The following MGST1 variants were observed in gnomAD, a reference collection of about 807,000 sequenced individuals.
The protein encoded by MGST1 is microsomal glutathione S-transferase 1, also known as glutathione S-transferase 12.
A neutral mutation model predicts 8.9 loss-of-function variants in MGST1; 5 were observed. That is an observed-to-expected ratio of 0.56 (90% CI 0.29 to 1.19). The LOEUF (loss-of-function observed/expected upper bound fraction) is 1.19. Among genes scored for constraint, MGST1 ranks in the 50% most tolerant of loss-of-function variants. The pLI, the probability that MGST1 is intolerant of heterozygous loss-of-function variation, is 0.08. For missense variants in MGST1, 182 were observed against 187.4 expected (o/e 0.97, Z 0.17); for synonymous variants, 54 against 67.8 (o/e 0.80, Z 1.00).
At chr12:16,392,214 C>T (rs1940559350) in intron 1 of MGST1, among the ~76,000 whole-genome samples, 1 of 152,082 alleles carries the variant, frequency 6.6e-6, no homozygotes, top group South Asian at 2.1e-4. Flanking sequence ...TTTTACTTGT[C>T]AATCTTATCT....
At chr12:16,491,351 A>G (rs143853418) in intron 4 of MGST1, among the ~76,000 whole-genome samples, 10 of 152,318 alleles carry the variant, frequency 6.6e-5, no homozygotes, top group Admixed American at 1.3e-4. Flanking sequence ...CGTGATGATT[A>G]ATTGTTCTAT....
At chr12:16,399,449 C>T in intron 1 of MGST1, 1 of 1,547,138 alleles carries the variant, frequency 6.5e-7, no homozygotes, top group Admixed American at 1.7e-5. Context: ...GGGCTTCTTC[C>T]TCCAGTTCAT....
chr12:16,387,572 G>A (rs1183914511), intron 1 of MGST1, among the ~76,000 whole-genome samples: 1 of 151,446 alleles, frequency 6.6e-6, no homozygotes, highest in Non-Finnish European at 1.5e-5. Flanking sequence ...TGTTGCCCAG[G>A]CTGGAGTGCA....
intron 4 of MGST1, among the ~76,000 whole-genome samples, chr12:16,522,938 T>C (rs1441269080): frequency 6.6e-6 from 1 of 152,056 alleles, no homozygotes; most frequent in Non-Finnish European, 1.5e-5. Context: ...AGTGGCAATA[T>C]TGTATTAAAT....
intron 4 of MGST1, among the ~76,000 whole-genome samples, chr12:16,448,436 T>C (rs1941100072): frequency 6.6e-6 from 1 of 151,726 alleles, no homozygotes; most frequent in Non-Finnish European, 1.5e-5. Flanking sequence ...AAGGGCAGGC[T>C]TAAGACTTTG....
intron 4 of MGST1, among the ~76,000 whole-genome samples, chr12:16,448,136 A>G (rs893426743): frequency 6.6e-6 from 1 of 151,962 alleles, no homozygotes; most frequent in Non-Finnish European, 1.5e-5. Context: ...AGAAAAGAGC[A>G]ATATTGAAAG....
intron 4 of MGST1, among the ~76,000 whole-genome samples, chr12:16,572,339 C>CTTTTTTTTTTT (rs59773866): frequency 7.8e-5 from 7 of 89,530 alleles, no homozygotes; most frequent in East Asian, 3.5e-4. Context: ...GGTCCAAACT[C>CTTTTTTTTTTT]TTTTTTTTTT....
At position 16,582,342 on chromosome 12, in the gene MGST1, A is replaced by G. The variant is rs1257187699; in HGVS notation, n.483-7186A>G. 1.3e-5 allele frequency among the ~76,000 whole-genome samples: 2 copies of G among 152,200 alleles called. No individual in the cohort carries two copies. Among genetic ancestry groups the G allele is most frequent in the Non-Finnish European group, 2.9e-5 (2 of 68,036 alleles). ...AAAACATCTTACCTGTTCCTATAGT[A>G]TTATTCATTTTAGACAGTGACAGAC... On this transcript the variant is annotated intron_variant and non_coding_transcript_variant, in intron 4 of 4. Transcript: ENST00000538857. This position sits in a 1 kb window ranked among gnomAD's most constrained non-coding sequence, Gnocchi z 4.1.
At chr12:16,412,607 G>A (rs1430596186) in intron 1 of MGST1, among the ~76,000 whole-genome samples, 3 of 152,136 alleles carry the variant, frequency 2.0e-5, no homozygotes, top group Non-Finnish European at 4.4e-5. Context: ...GGACCCAGTG[G>A]GAGGTAATTA....
At position 16,354,282 on chromosome 12, in the gene MGST1, T is replaced by G; in HGVS notation, c.30T>G (p.Asp10Glu). Residue 10 changes from aspartate to glutamate, a missense_variant, in exon 2 of 4, where the codon GAT becomes GAG. Asp to Glu is a conservative substitution (Grantham distance 45, BLOSUM62 2). Coordinates refer to ENST00000396210, the MANE Select transcript of MGST1 (RefSeq NM_020300.5). ...TTGACCTCACCCAGGTAATGGATGA[T>G]GAAGTATTCATGGCTTTTGCATCCT... The part of the protein sequence containing the change: MVDLTQVMD[D>E]EVFMAFASYA... 1.2e-6 allele frequency: 2 copies of G among 1,606,812 alleles called. 1 individual carries two copies. Among genetic ancestry groups the G allele is most frequent in the South Asian group, 2.3e-5 (2 of 88,322 alleles).
downstream of MGST1, among the ~76,000 whole-genome samples, chr12:16,381,843 T>C (rs1940456321): frequency 6.6e-6 from 1 of 152,192 alleles, no homozygotes; most frequent in Non-Finnish European, 1.5e-5. Context: ...TTTCTTTTTA[T>C]TCTTTTTTCT....
chr12:16,359,973 T>C (rs1029297310), intron 3 of MGST1, among the ~76,000 whole-genome samples: 1 of 152,236 alleles, frequency 6.6e-6, no homozygotes, highest in African/African-American at 2.4e-5. Flanking sequence ...TTATCTAAAT[T>C]GATCCGCTAG....
chr12:16,427,811 T>A (rs1028021954), intron 1 of MGST1, among the ~76,000 whole-genome samples: 5 of 152,202 alleles, frequency 3.3e-5, no homozygotes, highest in African/African-American at 1.2e-4. Flanking sequence ...AAAAACTTAT[T>A]TTTTTAATGT....
At position 16,395,780 on chromosome 12, in the gene MGST1, C is replaced by CATATATATATATATATAT. The variant is rs369986291; in HGVS notation, n.778+12184_778+12201dup. Among the ~76,000 whole-genome samples the CATATATATATATATATAT allele has an allele frequency of 4.2e-3, 513 of 121,028 alleles. 1 individual carries two copies. Among genetic ancestry groups the CATATATATATATATATAT allele is most frequent in the East Asian group, 8.4e-3 (29 of 3,456 alleles). 79.4% of individuals were successfully genotyped at this position (121,028 alleles called of 152,430 possible). On this transcript the variant is annotated intron_variant and non_coding_transcript_variant, in intron 1 of 1. Transcript: ENST00000359720. ...CTTTAATGGCTGAGTAGTATTCCAT[C>CATATATATATATATATAT]ATATATATATATATATATATATATA...
downstream of MGST1, among the ~76,000 whole-genome samples, chr12:16,439,414 A>G (rs1941019146): frequency 6.6e-6 from 1 of 151,818 alleles, no homozygotes; most frequent in Non-Finnish European, 1.5e-5. Context: ...TTTATCTTGA[A>G]CTTCCAGTCA....
chr12:16,499,245 T>C (rs1941489546), intron 4 of MGST1, among the ~76,000 whole-genome samples: 1 of 152,230 alleles, frequency 6.6e-6, no homozygotes, highest in Non-Finnish European at 1.5e-5. Flanking sequence ...CATAAAATTA[T>C]TCACTTCGAA....
At chr12:16,394,475 TATC>T in intron 1 of MGST1, among the ~76,000 whole-genome samples, 1 of 144,072 alleles carries the variant, frequency 6.9e-6, no homozygotes, top group East Asian at 2.1e-4. Context: ...CCTCCCTTTC[TATC>T]TTTCTTCCTT....
chr12:16,391,069 AC>A (rs1374225516), intron 1 of MGST1, among the ~76,000 whole-genome samples: 1 of 150,950 alleles, frequency 6.6e-6, no homozygotes, highest in Admixed American at 6.6e-5. Flanking sequence ...GTGATATTGA[AC>A]TTTTTTCATA....
intron 1 of MGST1, among the ~76,000 whole-genome samples, chr12:16,398,593 T>C (rs1266808828): frequency 6.6e-6 from 1 of 152,220 alleles, no homozygotes; most frequent in Non-Finnish European, 1.5e-5. Flanking sequence ...TTGCCTTCTA[T>C]CATTGTACCA....
Sources: gnomAD v4.1 joint callset for allele counts (sites outside exome capture counted in the v4.1 genomes callset) on GRCh38, gnomAD v4.1.1 for gene constraint, Gnocchi (gnomAD v3.1) non-coding constraint, MANE v1.5 for transcripts, NCBI Gene and HGNC (gene_info 2026-07-23, HGNC 2026-07-21) for gene names.